DPP6: variants seen among roughly 807,000 people sequenced by gnomAD.
The protein encoded by DPP6 is dipeptidyl peptidase like 6.
DPP6 carries 69 observed loss-of-function variants against 122.6 expected under a neutral mutation model. That is an observed-to-expected ratio of 0.56 (90% CI 0.46 to 0.69). DPP6 has a LOEUF of 0.69. Among genes scored for constraint, DPP6 ranks in the 30% least tolerant of loss-of-function variants. DPP6 has a pLI of 0.00. For missense variants in DPP6, 928 were observed against 1,116.9 expected, an observed-to-expected ratio of 0.83 and a Z score of 2.41; for synonymous variants, 418 against 433.1, an observed-to-expected ratio of 0.97 and a Z score of 0.43.
chr7:154,735,519 G>T (rs1437393309), intron 8 of DPP6, among the ~76,000 whole-genome samples: 1 of 152,264 alleles, frequency 6.6e-6, no homozygotes, highest in Non-Finnish European at 1.5e-5. Context: ...ATCATTCTGA[G>T]CAGGAGTCTG....
rs545704999 is a variant in DPP6 at position 154,587,991 on chromosome 7, C to T, written c.627+21075C>T. 1.5e-4 allele frequency: 240 copies of T among 1,612,920 alleles called. 2 individuals are homozygous for T. Among genetic ancestry groups the T allele is most frequent in the South Asian group, 3.2e-4 (29 of 91,088 alleles). On this transcript the variant is annotated intron_variant, in intron 5 of 25. Coordinates refer to ENST00000377770, the MANE Select transcript of DPP6 (RefSeq NM_130797.4). ...TCAGGCAGCACTGTCCATTGTCATA[C>T]GAGTGTGGCAGGTGTGAGGCATCGC...
intron 1 of DPP6, among the ~76,000 whole-genome samples, chr7:154,029,043 T>C (rs10268179): frequency 0.13 from 18,441 of 146,874 alleles, 1,754 homozygotes; most frequent in African/African-American, 0.3. Flanking sequence ...TCCGGCACGG[T>C]GGGGAGTCCA....
At chr7:154,104,164 T>G (rs1416263589) in intron 1 of DPP6, among the ~76,000 whole-genome samples, 1 of 152,262 alleles carries the variant, frequency 6.6e-6, no homozygotes, top group African/African-American at 2.4e-5. Context: ...GGAACCCACG[T>G]GGCCTTGCCT....
chr7:154,058,124 C>T (rs1428771875), intron 1 of DPP6: 1 of 93,854 alleles, frequency 1.1e-5, no homozygotes, highest in Non-Finnish European at 2.3e-5. Flanking sequence ...GAGCCAACCC[C>T]TCTTCCCCCC....
Position 154,755,134 on chromosome 7 carries a change from A to G in DPP6, c.884-14283A>G, listed in dbSNP as rs71534166. Among the ~76,000 whole-genome samples the G allele has an allele frequency of 7.1e-6, 1 of 139,958 alleles. No individual in the cohort carries two copies. Among genetic ancestry groups the G allele is most frequent in the Non-Finnish European group, 1.5e-5 (1 of 65,298 alleles). The allele number at this position is 139,958 out of a possible 152,430, so 91.8% of individuals were successfully genotyped here. On this transcript the variant is annotated intron_variant, in intron 8 of 25. Transcript: ENST00000377770. This position sits in a 1 kb window ranked among gnomAD's most constrained non-coding sequence, Gnocchi z 4.7. ...GTTCTGCACATGTATCCCAGAACTT[A>G]AAGTAAAATAAATTAAAAAAAAAAA...
intron 1 of DPP6, among the ~76,000 whole-genome samples, chr7:154,377,396 G>A (rs1813220042): frequency 6.6e-6 from 1 of 152,148 alleles, no homozygotes; most frequent in South Asian, 2.1e-4. Flanking sequence ...TATCGTACCA[G>A]TGCTAAGATA....
intron 1 of DPP6, among the ~76,000 whole-genome samples, chr7:153,938,825 T>G (rs950587551): frequency 2.0e-5 from 3 of 152,238 alleles, no homozygotes; most frequent in Non-Finnish European, 2.9e-5. Context: ...GCTGCCTGAG[T>G]TGTCACATTG....
chr7:153,941,214 T>C (rs1468025025), intron 1 of DPP6, among the ~76,000 whole-genome samples: 1 of 152,160 alleles, frequency 6.6e-6, no homozygotes. Flanking sequence ...CCTTGATGTG[T>C]TGGAATGTGT....
rs567569841 is a variant in DPP6 at position 154,005,973 on chromosome 7, A to G, written c.51+118239A>G. ...CTTTTTTCCTGCTCACCTTATCTCA[A>G]TGGGGTCAGGCGGGCTGAAGCTTCT... On this transcript the variant is annotated intron_variant, in intron 1 of 25. Transcript: ENST00000404039. 1.8e-4 allele frequency among the ~76,000 whole-genome samples: 28 copies of G among 152,058 alleles called. No homozygotes were observed. In the South Asian group the frequency reaches 5.0e-3, roughly 27 times the overall value.
chr7:154,276,929 ATTC>A (rs1804177550), intron 1 of DPP6, among the ~76,000 whole-genome samples: 1 of 152,164 alleles, frequency 6.6e-6, no homozygotes, highest in Admixed American at 6.5e-5. Context: ...CAACACACAT[ATTC>A]TTCTCCATAA....
intron 1 of DPP6, among the ~76,000 whole-genome samples, chr7:153,924,495 C>T (rs934562459): frequency 2.0e-5 from 3 of 152,122 alleles, no homozygotes; most frequent in East Asian, 1.9e-4. Flanking sequence ...ATTAAACCAT[C>T]GCTCCCTCCC....
chr7:154,194,677 G>A (rs1585600439), intron 1 of DPP6, among the ~76,000 whole-genome samples: 2 of 152,156 alleles, frequency 1.3e-5, no homozygotes, highest in East Asian at 3.9e-4. Flanking sequence ...CTTCCAATAG[G>A]CGTATAGCAA....
At chr7:154,815,385 A>G (rs1443409106) in intron 16 of DPP6, among the ~76,000 whole-genome samples, 1 of 152,226 alleles carries the variant, frequency 6.6e-6, no homozygotes, top group East Asian at 1.9e-4. Context: ...TCTCCTACCC[A>G]TCTAAATTCA....
chr7:154,594,939 G>A (rs566645305), intron 5 of DPP6, among the ~76,000 whole-genome samples: 1 of 152,276 alleles, frequency 6.6e-6, no homozygotes, highest in Non-Finnish European at 1.5e-5. Context: ...CAGGCCAGGG[G>A]CCAGGGTGTG....
At chr7:154,217,809 C>G (rs565573531) in intron 1 of DPP6, among the ~76,000 whole-genome samples, 2 of 152,192 alleles carry the variant, frequency 1.3e-5, no homozygotes, top group Admixed American at 6.5e-5. Flanking sequence ...GCCAAAGAGC[C>G]CTGCTGTGAC....
At chr7:154,143,859 G>T (rs1795961513) in intron 1 of DPP6, among the ~76,000 whole-genome samples, 1 of 151,808 alleles carries the variant, frequency 6.6e-6, no homozygotes, top group South Asian at 2.1e-4. Context: ...ATATACCTTT[G>T]TGCCGTTTTT....
chr7:154,617,140 A>T (rs1169936887), intron 5 of DPP6, among the ~76,000 whole-genome samples: 1 of 152,204 alleles, frequency 6.6e-6, no homozygotes, highest in Non-Finnish European at 1.5e-5. Flanking sequence ...TATACTTACC[A>T]AGCCTTGGAA....
chr7:153,765,855 C>G, the DPP6 span, among the ~76,000 whole-genome samples: 2 of 152,178 alleles, frequency 1.3e-5, no homozygotes, highest in Admixed American at 6.5e-5. Context: ...ATGACTTATC[C>G]TTTTCACAAT....
At chr7:153,992,062 A>G (rs965629369) in intron 1 of DPP6, among the ~76,000 whole-genome samples, 15 of 152,182 alleles carry the variant, frequency 9.9e-5, no homozygotes, top group Non-Finnish European at 1.6e-4. Context: ...TTTTTAATAC[A>G]TTAAATGCAT....
Sources: gnomAD v4.1 joint callset for allele counts (sites outside exome capture counted in the v4.1 genomes callset) on GRCh38, gnomAD v4.1.1 for gene constraint, Gnocchi (gnomAD v3.1) non-coding constraint, MANE v1.5 for transcripts, NCBI Gene and HGNC (gene_info 2026-07-23, HGNC 2026-07-21) for gene names.